GATAD2A: variants seen among roughly 807,000 people sequenced by gnomAD.
GATAD2A encodes the protein transcriptional repressor p66-alpha.
Under a neutral mutation model 68.5 loss-of-function variants are expected in GATAD2A, and 12 were observed. The ratio of observed to expected loss-of-function variants is 0.18; its 90% CI spans 0.11 to 0.28. The LOEUF (loss-of-function observed/expected upper bound fraction) is 0.28. Ranked by LOEUF, GATAD2A falls within the 10% of genes least tolerant of loss-of-function variation. The pLI is 1.00. For missense variants in GATAD2A, 755 were observed against 868.5 expected (o/e 0.87, Z 1.64); for synonymous variants, 410 against 375.3 (o/e 1.09, Z -1.07).
In GATAD2A at chr19:19,473,919, C is replaced by T. The variant is rs940724124; in HGVS notation, c.269+8305C>T. On this transcript the variant is annotated intron_variant, in intron 2 of 11. Transcript: ENST00000683918. ...CCAGATCACACCACTGCACTCCAGC[C>T]TGGGCGACAGAGCGAGACTCCGTCT... 2.0e-5 allele frequency: 8 copies of T among 391,496 alleles called. No homozygotes were observed. In the Admixed American group the frequency reaches 5.1e-4, roughly 25 times the overall value. The allele number at this position is 391,496 out of a possible 1,614,324, so 24.3% of individuals were successfully genotyped here. A position where few individuals can be genotyped will look rare whatever the true frequency, so the allele number is the denominator to read the frequency against.
chr19:19,458,551 TTGAGTTGCAGTGAGAGATGAAGCTCC>T (rs1490544788), intron 1 of GATAD2A: 10 of 152,258 alleles, frequency 6.6e-5, no homozygotes, highest in African/African-American at 2.4e-4. Flanking sequence ...GAGCTTAACA[TTGAGTTGCAGTGAGAGATGAAGCTCC>T]TGAGTGGCAC....
chr19:19,486,855 C>T (rs767181797), intron 2 of GATAD2A, among the ~76,000 whole-genome samples: 1 of 152,194 alleles, frequency 6.6e-6, no homozygotes, highest in Non-Finnish European at 1.5e-5. Context: ...ATTCCTCTGC[C>T]CTGCCATGCA....
At chr19:19,458,892 T>C (rs972325597) in intron 1 of GATAD2A, among the ~76,000 whole-genome samples, 3 of 152,158 alleles carry the variant, frequency 2.0e-5, no homozygotes, top group Non-Finnish European at 2.9e-5. Context: ...AGCTTCCCCC[T>C]CTCTCCAGAG....
At chr19:19,495,644 A>AC (rs1211305514) in intron 5 of GATAD2A, 110 bp from the exon 6 acceptor site, 2 of 1,008,804 alleles carry the variant, frequency 2.0e-6, no homozygotes, top group African/African-American at 1.7e-5. Context: ...TAAAAAAAAA[A>AC]AAAAAAAAAA....
At position 19,502,426 on chromosome 19, in the gene GATAD2A, C is replaced by T. The variant is rs942547358; in HGVS notation, c.1674C>T (p.Ala558=). 6.2e-7 allele frequency: 1 copy of T among 1,613,762 alleles called. No individual in the cohort carries two copies. Among genetic ancestry groups the T allele is most frequent in the Non-Finnish European group, 8.5e-7 (1 of 1,179,982 alleles). Residue 558 remains alanine (A), a synonymous_variant, in exon 11 of 12, where the codon GCC becomes GCT. Transcript: ENST00000683918. ...CCAAACTGCAGAACTCAGCCTCGGC[C>T]ACAGCCCTGGTCAGCAGGACCGGCA... ...PSPKLQNSAS[A]TALVSRTGRH... is the part of the protein sequence containing the mutation.
At chr19:19,423,430 T>TG (rs1278486562) in intron 1 of GATAD2A, among the ~76,000 whole-genome samples, 1 of 152,264 alleles carries the variant, frequency 6.6e-6, no homozygotes, top group Non-Finnish European at 1.5e-5. Context: ...GTGATGGCTG[T>TG]GGTGCGTCAT....
chr19:19,401,370 T>C (rs1160484495), upstream of GATAD2A, among the ~76,000 whole-genome samples: 1 of 151,762 alleles, frequency 6.6e-6, no homozygotes, highest in Admixed American at 6.6e-5. Context: ...CGTGCCACCA[T>C]GCACAGCTAA....
At chr19:19,476,703 C>T (rs2058699526) in intron 2 of GATAD2A, among the ~76,000 whole-genome samples, 1 of 152,162 alleles carries the variant, frequency 6.6e-6, no homozygotes, top group Non-Finnish European at 1.5e-5. Flanking sequence ...CCTTGGGGGT[C>T]TCTGTGTGCA....
intron 1 of GATAD2A, among the ~76,000 whole-genome samples, chr19:19,451,012 C>T (rs914379734): frequency 3.3e-5 from 5 of 150,850 alleles, no homozygotes; most frequent in African/African-American, 4.9e-5. Flanking sequence ...CCATGTGATC[C>T]GCCTGCCTCA....
At chr19:19,490,158 A>T (rs1355397672) in intron 2 of GATAD2A, among the ~76,000 whole-genome samples, 1 of 152,022 alleles carries the variant, frequency 6.6e-6, no homozygotes, top group Non-Finnish European at 1.5e-5. Flanking sequence ...CTTTCTGTCC[A>T]CGCCCAGGTC....
At chr19:19,486,737 C>T (rs902822231) in intron 2 of GATAD2A, among the ~76,000 whole-genome samples, 1 of 152,210 alleles carries the variant, frequency 6.6e-6, no homozygotes, top group African/African-American at 2.4e-5. Context: ...TTCAGATCAG[C>T]AGGGCTGCCT....
At chr19:19,437,494 A>G (rs911447422) in intron 1 of GATAD2A, among the ~76,000 whole-genome samples, 4 of 152,214 alleles carry the variant, frequency 2.6e-5, no homozygotes, top group Admixed American at 1.3e-4. Context: ...AGTTTTTTAT[A>G]TATATTCAAG....
At chr19:19,475,992 C>T (rs899116336) in intron 2 of GATAD2A, among the ~76,000 whole-genome samples, 1 of 152,214 alleles carries the variant, frequency 6.6e-6, no homozygotes, top group Non-Finnish European at 1.5e-5. Flanking sequence ...AAAAGAGCAT[C>T]ACTGCTGGTC....
At chr19:19,424,004 C>T (rs776327172) in intron 1 of GATAD2A, among the ~76,000 whole-genome samples, 50 of 152,136 alleles carry the variant, frequency 3.3e-4, no homozygotes, top group Admixed American at 7.2e-4. Context: ...GTCACTGTAA[C>T]ATTTAAACTC....
intron 2 of GATAD2A, among the ~76,000 whole-genome samples, chr19:19,473,474 A>G (rs1342582497): frequency 1.3e-5 from 2 of 152,166 alleles, no homozygotes; most frequent in African/African-American, 4.8e-5. Context: ...GTCCTTGATG[A>G]CAATTAGAAT....
Position 19,502,092 on chromosome 19 carries a change from G to C in GATAD2A, c.1578+49G>C, listed in dbSNP as rs368081742. 4 of 1,390,134 alleles carry C rather than the reference G, an allele frequency of 2.9e-6. No individual in the cohort carries two copies. In the Middle Eastern group the frequency reaches 7.1e-4, roughly 248 times the overall value. 86.1% of individuals were successfully genotyped at this position (1,390,134 alleles called of 1,614,324 possible). ...GAGCCTCGCGCCCCCACCGCAGCCCGTGACCACGTCAGTCGCCGACTGTCA... is the reference window on the plus strand; with the variant it reads ...GAGCCTCGCGCCCCCACCGCAGCCCCTGACCACGTCAGTCGCCGACTGTCA... On this transcript the variant is annotated intron_variant, in intron 10 of 11. Coordinates refer to ENST00000683918, the MANE Select transcript of GATAD2A (RefSeq NM_001384528.1).
intron 1 of GATAD2A, among the ~76,000 whole-genome samples, chr19:19,422,354 A>G (rs1600082902): frequency 6.6e-6 from 1 of 151,994 alleles, no homozygotes; most frequent in Non-Finnish European, 1.5e-5. Context: ...GCCAGCCCCC[A>G]CCAGCACAGT....
At chr19:19,497,339 G>A (rs532021466) in intron 7 of GATAD2A, among the ~76,000 whole-genome samples, 62 of 152,288 alleles carry the variant, frequency 4.1e-4, no homozygotes, top group South Asian at 2.9e-3. Context: ...TAAGTGATCC[G>A]CCCGACTTGG....
intron 1 of GATAD2A, among the ~76,000 whole-genome samples, chr19:19,454,084 A>G (rs1428863369): frequency 1.3e-5 from 2 of 150,262 alleles, no homozygotes; most frequent in East Asian, 2.0e-4. Context: ...CGCAACCTCT[A>G]CTTCCTGGGT....
Sources: gnomAD v4.1 joint callset for allele counts (sites outside exome capture counted in the v4.1 genomes callset) on GRCh38, gnomAD v4.1.1 for gene constraint, MANE v1.5 for transcripts, NCBI Gene and HGNC (gene_info 2026-07-23, HGNC 2026-07-21) for gene names.